FLNA: variants seen among roughly 807,000 people sequenced by gnomAD.
FLNA encodes filamin-A.
FLNA carries 7 observed loss-of-function variants against 157.6 expected under a neutral mutation model. The ratio of observed to expected loss-of-function variants is 0.04; its 90% CI spans 0.03 to 0.08. The LOEUF (loss-of-function observed/expected upper bound fraction) is 0.08, where lower values mean the gene tolerates loss of function less well. FLNA is among the 10% of genes least tolerant of loss of function. The pLI is 1.00. For missense variants in FLNA, 1,750 were observed against 2,398.4 expected, an observed-to-expected ratio of 0.73 and a Z score of 5.65; for synonymous variants, 1,103 against 1,060.8, an observed-to-expected ratio of 1.04 and a Z score of -0.77.
In FLNA at chrX:154,364,558, G is replaced by A. The variant is rs1197657235; in HGVS notation, c.1990C>T (p.Arg664Cys). The A allele has an allele frequency of 6.6e-6, 8 of 1,208,420 alleles. No homozygotes were observed. The highest frequency in any genetic ancestry group is 4.4e-5 in the Admixed American group (2 of 45,721). ...IRLSPFMADIRDAPQDFHPDR... is the reference protein window; with the variant it reads ...IRLSPFMADICDAPQDFHPDR... Reference sequence around the variant, plus strand: ...GGGTGGAAGTCCTGGGGCGCGTCACGGATGTCAGCCATGAAGGGGCTGAGG... The same window carrying A: ...GGGTGGAAGTCCTGGGGCGCGTCACAGATGTCAGCCATGAAGGGGCTGAGG... The change falls in exon 13 of 48, where the codon CGT (arginine) becomes TGT (cysteine). Residue 664 changes from arginine to cysteine, a missense_variant. Physicochemically the swap from Arg to Cys is radical, Grantham distance 180. Around this residue, in one of 5 missense-constraint regions of FLNA, gnomAD observed 648 missense variants for 805.8 expected, o/e 0.80. Coordinates refer to ENST00000369850, the MANE Select transcript of FLNA (RefSeq NM_001110556.2).
Position 154,349,639 on chromosome X carries a change from C to A in FLNA, c.7552+10G>T. ...TTGGGCAGATGCCAATAGCTTGGCCCCAGGCTCACCTGTGACTTTGGCCTT... is the reference window on the plus strand; with the variant it reads ...TTGGGCAGATGCCAATAGCTTGGCCACAGGCTCACCTGTGACTTTGGCCTT... On this transcript the variant is annotated intron_variant, in intron 46 of 47. Coordinates refer to ENST00000369850, the MANE Select transcript of FLNA (RefSeq NM_001110556.2). 1 of 1,211,525 alleles carries A rather than the reference C, an allele frequency of 8.3e-7. No homozygotes were observed. The highest frequency in any genetic ancestry group is 1.1e-6 in the Non-Finnish European group (1 of 894,994).
chrX:154,349,528 T>A lies in FLNA; in HGVS notation c.7590A>T (p.Thr2530=). The A allele has an allele frequency of 8.2e-7, 1 of 1,212,252 alleles. No homozygotes were observed. The highest frequency in any genetic ancestry group is 1.1e-6 in the Non-Finnish European group (1 of 895,492). ...RLVSNHSLHE[T]SSVFVDSLTK... is the part of the protein sequence containing the mutation. ...TCAGAGAGTCTACAAACACTGATGA[T>A]GTCTCGTGGAGGCTGTGGTTGCTGA... The change falls in exon 47 of 48, where the codon ACA becomes ACT. Residue 2530 remains threonine (T), a synonymous_variant. Coordinates refer to ENST00000369850, the MANE Select transcript of FLNA (RefSeq NM_001110556.2).
chrX:154,365,769 G>C (rs1557179063), intron 9 of FLNA, among the ~76,000 whole-genome samples: 1 of 110,644 alleles, frequency 9.0e-6, no homozygotes. Context: ...GCAGAGCAGA[G>C]AGCAGCAGGT....
chrX:154,359,061 T>C lies in FLNA; in HGVS notation c.4397A>G (p.Asn1466Ser). 8.3e-7 allele frequency: 1 copy of C among 1,210,861 alleles called. No homozygotes were observed. The highest frequency in any genetic ancestry group is 1.1e-6 in the Non-Finnish European group (1 of 895,274). The change falls in exon 26 of 48, where the codon AAC becomes AGC. Residue 1466 changes from asparagine to serine, a missense_variant. Asn to Ser is a conservative substitution (Grantham distance 46, BLOSUM62 1). Coordinates refer to ENST00000369850, the MANE Select transcript of FLNA (RefSeq NM_001110556.2). Reference sequence around the variant, plus strand: ...GTCCACCTGGAAGGACTGAGGGAGGTTGGCACGAACCATGCCTGGGCTCAG... The same window carrying C: ...GTCCACCTGGAAGGACTGAGGGAGGCTGGCACGAACCATGCCTGGGCTCAG... ...PGLSPGMVRANLPQSFQVDTS... is the reference protein window; with the variant it reads ...PGLSPGMVRASLPQSFQVDTS...
Position 154,362,871 on chromosome X carries a change from A to G in FLNA, c.2281-87T>C. The G allele has an allele frequency of 1.9e-6, 2 of 1,034,112 alleles. 1 individual carries two copies. The highest frequency in any genetic ancestry group is 3.7e-5 in the African/African-American group (2 of 53,933). 85.2% of individuals were successfully genotyped at this position (1,034,112 alleles called of 1,213,427 possible). A position where few individuals can be genotyped will look rare whatever the true frequency, so the allele number is the denominator to read the frequency against. On this transcript the variant is annotated intron_variant, in intron 15 of 47. Transcript: ENST00000369850. ...TCAGCTACACTGGCAGGCACACAAA[A>G]TGGTCCAGCTGCCTTGGGAAGAGTC...
chrX:154,350,128 A>G lies in FLNA; in HGVS notation c.7236T>C (p.Pro2412=), dbSNP rs2067607601. The change falls in exon 45 of 48, where the codon CCT becomes CCC. Residue 2412 remains proline (P), a synonymous_variant. Coordinates refer to ENST00000369850, the MANE Select transcript of FLNA (RefSeq NM_001110556.2). ...IDVKFNGTHI[P]GSPFKIRVGE... is the part of the protein sequence containing the mutation. ...CAACTCGGATCTTGAAGGGGCTTCC[A>G]GGGATGTGGGTGCCGTTGAACTTGA... 8.3e-7 allele frequency: 1 copy of G among 1,211,512 alleles called. No homozygotes were observed. Among genetic ancestry groups the G allele is most frequent in the Non-Finnish European group, 1.1e-6 (1 of 895,003 alleles).
chrX:154,365,989 G>C, intron 9 of FLNA, 35 bp downstream of exon 9: 1 of 1,158,097 alleles, frequency 8.6e-7, no homozygotes, highest in Non-Finnish European at 1.2e-6. Flanking sequence ...CCAGACTGCA[G>C]TGCCACAGCA....
At chrX:154,365,797 G>A (rs963553462) in intron 9 of FLNA, among the ~76,000 whole-genome samples, 2 of 111,272 alleles carry the variant, frequency 1.8e-5, no homozygotes, top group Non-Finnish European at 3.8e-5. Flanking sequence ...CAGCTGGAGC[G>A]AGCTCTTCCG....
In FLNA at chrX:154,351,929, G is replaced by A. The variant is rs782566359; in HGVS notation, c.6862C>T (p.Arg2288Cys). The change falls in exon 42 of 48, where the codon CGC becomes TGC. Residue 2288 changes from arginine (R) to cysteine (C), a missense_variant. By Grantham distance (180) the Arg-to-Cys change is radical. Coordinates refer to ENST00000369850, the MANE Select transcript of FLNA (RefSeq NM_001110556.2). ...GCCACACCACAGGAGCCGTCCTTGC[G>A]GTCCTCAAAAGAGATCTCAGCCTTG... is the stretch of plus-strand genomic sequence containing the variant. ...PSKAEISFED[R>C]KDGSCGVAYV... 8.3e-6 allele frequency: 10 copies of A among 1,210,250 alleles called. No individual in the cohort carries two copies. Among genetic ancestry groups the A allele is most frequent in the Middle Eastern group, 2.3e-4 (1 of 4,372 alleles).
At chrX:154,357,380 C>G (rs1423536043) in intron 29 of FLNA, 54 bp downstream of exon 29, 1 of 1,198,445 alleles carries the variant, frequency 8.3e-7, no homozygotes, top group African/African-American at 1.7e-5. Context: ...TGCACACAGG[C>G]ACAACCCAAG....
chrX:154,373,897 T>C (rs143328960), intron 1 of FLNA, among the ~76,000 whole-genome samples: 21,172 of 112,351 alleles, frequency 0.19, 1,580 homozygotes, highest in South Asian at 0.57. Flanking sequence ...GGGACATTGT[T>C]GGTTATATCC....
Position 154,359,009 on chromosome X carries a change from C to A in FLNA, c.4449G>T (p.Leu1483Phe), listed in dbSNP as rs1356756921. 12 of 1,211,436 alleles carry A rather than the reference C, an allele frequency of 9.9e-6. No homozygotes were observed. Among genetic ancestry groups the A allele is most frequent in the Non-Finnish European group, 1.3e-5 (12 of 895,488 alleles). The change falls in exon 26 of 48, where the codon TTG (leucine) becomes TTT (phenylalanine). Residue 1483 changes from leucine (L) to phenylalanine (F), a missense_variant. By Grantham distance (22) the Leu-to-Phe change is conservative. Around this residue, in one of 5 missense-constraint regions of FLNA, gnomAD observed 970 missense variants for 1,302.6 expected, o/e 0.74. Transcript: ENST00000369850. ...CTTTGGGCCCTTGCACTTTGACCTG[C>A]AATGGGGCCACACCAGCCTTGCTTG... is the stretch of plus-strand genomic sequence containing the variant. ...VDTSKAGVAP[L>F]QVKVQGPKGL...
Position 154,354,009 on chromosome X carries a change from G to A in FLNA, c.5592C>T (p.Asn1864=), listed in dbSNP as rs782315233. 1.7e-4 allele frequency: 203 copies of A among 1,210,867 alleles called. 3 individuals are homozygous for A. The South Asian group carries it at 3.4e-3, about 20-fold the overall frequency. Residue 1864 remains asparagine, a synonymous_variant, in exon 35 of 48, where the codon AAC becomes AAT. Coordinates refer to ENST00000369850, the MANE Select transcript of FLNA (RefSeq NM_001110556.2). ...SPLQFYVDYV[N]CGHVTAYGPG... is the part of the protein sequence containing the mutation. ...GCCCATAGGCAGTGACATGGCCACA[G>A]TTGACGTAATCCACATAGAACTGCA...
At chrX:154,363,995 A>G (rs782773203) in intron 15 of FLNA, 27 bp downstream of exon 15, 19 of 1,206,149 alleles carry the variant, frequency 1.6e-5, no homozygotes, top group Non-Finnish European at 2.0e-5. Flanking sequence ...ATCGAGATGG[A>G]CTAAAGGCCG....
rs895891962 is a variant in FLNA, at chrX:154,366,286, G to T, written c.1228+22C>A. 1.5e-5 allele frequency: 18 copies of T among 1,210,006 alleles called. No homozygotes were observed. The Admixed American group carries it at 3.9e-4, about 26-fold the overall frequency. ...TGCGGCTCTCCCCACAGACCAGCTG[G>T]GCCTTGGCAGCCTCCCCTCACCTGC... On this transcript the variant is annotated intron_variant, in intron 8 of 47. Coordinates refer to ENST00000369850, the MANE Select transcript of FLNA (RefSeq NM_001110556.2).
chrX:154,362,559 G>A lies in FLNA; in HGVS notation c.2424C>T (p.Ile808=). 1 of 1,211,355 alleles carries A rather than the reference G, an allele frequency of 8.3e-7. No homozygotes were observed. The highest frequency in any genetic ancestry group is 1.1e-6 in the Non-Finnish European group (1 of 895,385). ...GGCCTACCACTCCAGGGGCACACTT[G>A]ATGCCGATGCTGACGTCCCCTGCGG... is the stretch of plus-strand genomic sequence containing the variant. ...EAGQGDVSIG[I]KCAPGVVGPA... The change falls in exon 17 of 48, where the codon ATC becomes ATT. Residue 808 remains isoleucine (I), a synonymous_variant. Transcript: ENST00000369850.
At chrX:154,358,746 C>A (rs2067681524) in intron 26 of FLNA, 178 bp from the exon 27 acceptor site, 2 of 641,077 alleles carry the variant, frequency 3.1e-6, no homozygotes, top group Non-Finnish European at 4.9e-6. Context: ...TGGGTGCCAG[C>A]TGGGACCCTT....
chrX:154,367,583 G>A, intron 4 of FLNA, 39 bp from the exon 5 acceptor site: 1 of 1,211,116 alleles, frequency 8.3e-7, no homozygotes, highest in African/African-American at 1.7e-5. Flanking sequence ...GGGCCTCCGA[G>A]TCTCTCCCAA....
chrX:154,349,871 G>A lies in FLNA; in HGVS notation c.7334-4C>T, dbSNP rs782380384. The A allele has an allele frequency of 7.4e-6, 9 of 1,208,194 alleles. No homozygotes were observed. Among genetic ancestry groups the A allele is most frequent in the Admixed American group, 4.3e-5 (2 of 46,086 alleles). On this transcript the variant is annotated splice_region_variant and splice_polypyrimidine_tract_variant and intron_variant, in intron 45 of 47. Transcript: ENST00000369850. ...ACGACGAACTCAGCTGGGTTCCCTG[G>A]GAGCACAGGAGGTCAGGCAGAGCCA... is the stretch of plus-strand genomic sequence containing the variant.
Sources: gnomAD v4.1 joint callset for allele counts (sites outside exome capture counted in the v4.1 genomes callset) on GRCh38, gnomAD v4.1.1 for gene constraint, gnomAD v4.1.1 regional missense constraint, MANE v1.5 for transcripts, NCBI Gene and HGNC (gene_info 2026-07-23, HGNC 2026-07-21) for gene names.